Variants in PHACTR3 observed in about 807,000 individuals in gnomAD.
PHACTR3 encodes protein phosphatase 1, regulatory subunit 123.
A neutral mutation model predicts 66.8 loss-of-function variants in PHACTR3; 16 were observed. The ratio of observed to expected loss-of-function variants is 0.24; its 90% CI spans 0.16 to 0.36. PHACTR3 has a LOEUF of 0.36. PHACTR3 is among the 10% of genes least tolerant of loss of function. The pLI is 1.00. For synonymous variants in PHACTR3, 323 were observed against 292.1 expected, an observed-to-expected ratio of 1.11 and a Z score of -1.08; for missense variants, 647 against 719.9, an observed-to-expected ratio of 0.90 and a Z score of 1.16.
chr20:59,799,050 T>C (rs942634047), intron 7 of PHACTR3, among the ~76,000 whole-genome samples: 2 of 152,168 alleles, frequency 1.3e-5, no homozygotes, highest in African/African-American at 4.8e-5. Context: ...CATGAATTAT[T>C]CAGGAATTTA....
intron 1 of PHACTR3, among the ~76,000 whole-genome samples, chr20:59,651,429 T>G (rs1260398804): frequency 1.3e-5 from 2 of 152,192 alleles, no homozygotes; most frequent in Non-Finnish European, 2.9e-5. Flanking sequence ...ATTTAAAAAT[T>G]AAAGCATCAT....
intron 1 of PHACTR3, among the ~76,000 whole-genome samples, chr20:59,647,530 G>T (rs144143847): frequency 8.5e-5 from 13 of 152,314 alleles, no homozygotes; most frequent in African/African-American, 3.1e-4. Flanking sequence ...GGACTGAGCA[G>T]CAGGGTGTTG....
intron 1 of PHACTR3, among the ~76,000 whole-genome samples, chr20:59,616,848 A>AT (rs912507596): frequency 0.011 from 1,634 of 150,266 alleles, 34 homozygotes; most frequent in African/African-American, 0.037. Flanking sequence ...AATTTAGCTC[A>AT]TTTTTTTTTA....
intron 11 of PHACTR3, among the ~76,000 whole-genome samples, 200 bp downstream of exon 11, chr20:59,841,735 A>G (rs765152568): frequency 6.6e-6 from 1 of 152,084 alleles, no homozygotes; most frequent in African/African-American, 2.4e-5. Flanking sequence ...GCCCCGAGGG[A>G]CATTTGGCAA....
chr20:59,845,377 A>G (rs1274111930), intron 12 of PHACTR3, 112 bp downstream of exon 12: 2 of 681,746 alleles, frequency 2.9e-6, no homozygotes, highest in South Asian at 3.8e-5. Flanking sequence ...GCATTTTTCC[A>G]GAGAACTCTA....
At chr20:59,602,766 C>T (rs2033516316), upstream of PHACTR3, among the ~76,000 whole-genome samples, 1 of 152,158 alleles carries the variant, frequency 6.6e-6, no homozygotes, top group African/African-American at 2.4e-5. Flanking sequence ...TCGGAAGGGG[C>T]CCAAGGCATG....
chr20:59,784,905 G>A (rs1434755470), intron 7 of PHACTR3, among the ~76,000 whole-genome samples: 1 of 152,138 alleles, frequency 6.6e-6, no homozygotes, highest in Non-Finnish European at 1.5e-5. Context: ...GCTGCCACTG[G>A]TGGGAAGCAG....
intron 1 of PHACTR3, among the ~76,000 whole-genome samples, chr20:59,711,675 A>G (rs2037918978): frequency 6.6e-6 from 1 of 152,224 alleles, no homozygotes; most frequent in Non-Finnish European, 1.5e-5. Flanking sequence ...AGCCTATTTT[A>G]TAATAAAATA....
intron 8 of PHACTR3, among the ~76,000 whole-genome samples, chr20:59,813,525 G>A (rs1012245648): frequency 3.3e-5 from 5 of 152,218 alleles, no homozygotes; most frequent in Non-Finnish European, 5.9e-5. Context: ...GCGTGCACGT[G>A]CTAGGCGCTG....
chr20:59,694,115 T>A (rs1418989954), intron 1 of PHACTR3, among the ~76,000 whole-genome samples: 4 of 152,236 alleles, frequency 2.6e-5, no homozygotes, highest in Non-Finnish European at 5.9e-5. Context: ...TGTGACTCTA[T>A]AGAAATGTGT....
At chr20:59,660,405 A>C (rs904998441) in intron 1 of PHACTR3, among the ~76,000 whole-genome samples, 3 of 152,192 alleles carry the variant, frequency 2.0e-5, no homozygotes, top group Non-Finnish European at 4.4e-5. Context: ...GAGGCAGGAG[A>C]ATGGCGTGAA....
At chr20:59,769,625 G>A (rs539150702) in intron 5 of PHACTR3, among the ~76,000 whole-genome samples, 1 of 152,116 alleles carries the variant, frequency 6.6e-6, no homozygotes, top group African/African-American at 2.4e-5. Flanking sequence ...CTAACCACCT[G>A]CCCCCCAGAC....
intron 8 of PHACTR3, among the ~76,000 whole-genome samples, chr20:59,825,118 G>A (rs2145438253): frequency 6.6e-6 from 1 of 152,312 alleles, no homozygotes; most frequent in African/African-American, 2.4e-5. Flanking sequence ...GCAGTGACCA[G>A]GTAGACAAAG....
rs10485817 is a variant in PHACTR3, at chr20:59,839,644, G to A, written c.1385-725G>A. Among the ~76,000 whole-genome samples, 319 of 152,166 alleles carry A rather than the reference G, an allele frequency of 2.1e-3. 1 individual carries two copies. The highest frequency in any genetic ancestry group is 2.4e-3 in the Non-Finnish European group (161 of 68,020). ...TTTTATACTATATCTCAGCACTTTC[G>A]TCTATTTTTGGCTTCCAAGGGTAGG... On this transcript the variant is annotated intron_variant, in intron 9 of 12. Transcript: ENST00000371015.
At chr20:59,597,901 T>C (rs899185375) in intron 1 of PHACTR3, among the ~76,000 whole-genome samples, 9 of 152,356 alleles carry the variant, frequency 5.9e-5, no homozygotes, top group African/African-American at 2.2e-4. Flanking sequence ...CAAATGCTTT[T>C]TCTGTAAGTG....
intron 1 of PHACTR3, among the ~76,000 whole-genome samples, chr20:59,580,529 G>T (rs1442488387): frequency 6.6e-6 from 1 of 151,690 alleles, no homozygotes; most frequent in African/African-American, 2.4e-5. Context: ...TGATTTCGAA[G>T]TGCTGACTCG....
At chr20:59,776,894 C>T (rs1046068972) in intron 7 of PHACTR3, among the ~76,000 whole-genome samples, 8 of 152,180 alleles carry the variant, frequency 5.3e-5, no homozygotes, top group African/African-American at 1.2e-4. Context: ...TGCACAGGGA[C>T]GCCTCCTGCT....
chr20:59,774,353 A>C lies in PHACTR3; in HGVS notation c.1037A>C (p.Asp346Ala). Residue 346 changes from aspartate (D) to alanine (A), a missense_variant, in exon 7 of 13, where the codon GAC becomes GCC. This residue lies in a region of PHACTR3 where 577 missense variants were observed against 571.1 expected (regional missense o/e 1.01). Coordinates refer to ENST00000371015, the MANE Select transcript of PHACTR3 (RefSeq NM_080672.5). ...GAGAGGGAGGAGGCTTGGAGCTTTGACGGGGCATTGGAGAACAAGCGAACT... is the reference window on the plus strand; with the variant it reads ...GAGAGGGAGGAGGCTTGGAGCTTTGCCGGGGCATTGGAGAACAAGCGAACT... ...GKEREEAWSFDGALENKRTAA... is the reference protein window; with the variant it reads ...GKEREEAWSFAGALENKRTAA... 1.2e-6 allele frequency: 2 copies of C among 1,614,184 alleles called. No homozygotes were observed. Among genetic ancestry groups the C allele is most frequent in the Non-Finnish European group, 1.7e-6 (2 of 1,180,032 alleles).
intron 7 of PHACTR3, among the ~76,000 whole-genome samples, chr20:59,779,680 T>G (rs2040657100): frequency 1.3e-5 from 2 of 152,260 alleles, no homozygotes; most frequent in African/African-American, 4.8e-5. Context: ...AAAAGAAAAT[T>G]TTTGTTATCA....
Sources: allele counts gnomAD v4.1 joint callset (sites outside exome capture counted in the v4.1 genomes callset), GRCh38; gene constraint gnomAD v4.1.1; regional missense constraint gnomAD v4.1.1; transcripts MANE v1.5; gene names NCBI Gene and HGNC (gene_info 2026-07-23, HGNC 2026-07-21).